The following SLC9A9 variants were observed in gnomAD, a reference collection of about 807,000 sequenced individuals.
The protein encoded by SLC9A9 is sodium/hydrogen exchanger 9.
Under a neutral mutation model 77.8 loss-of-function variants are expected in SLC9A9, and 62 were observed. That is an observed-to-expected ratio of 0.80 (90% confidence interval 0.65 to 0.98). The LOEUF is 0.98. SLC9A9 is among the 50% of genes least tolerant of loss of function. The pLI is 0.00. For synonymous variants in SLC9A9, 320 were observed against 283.5 expected, an observed-to-expected ratio of 1.13 and a Z score of -1.29; for missense variants, 775 against 774.9, an observed-to-expected ratio of 1.00 and a Z score of 0.00.
chr3:143,675,080 G>A (rs766698446), intron 5 of SLC9A9, among the ~76,000 whole-genome samples: 16 of 152,124 alleles, frequency 1.1e-4, no homozygotes, highest in South Asian at 2.1e-4. Flanking sequence ...TGAGTTTTAC[G>A]TTCACTCACA....
intron 2 of SLC9A9, among the ~76,000 whole-genome samples, chr3:143,817,133 ATTT>A (rs530897837): frequency 2.3e-5 from 3 of 131,502 alleles, no homozygotes; most frequent in African/African-American, 8.3e-5. Flanking sequence ...GCAAAAGTTT[ATTT>A]TTTTTTTTAT....
intron 5 of SLC9A9, among the ~76,000 whole-genome samples, chr3:143,685,517 T>C (rs781085125): frequency 1.3e-5 from 2 of 152,160 alleles, no homozygotes; most frequent in African/African-American, 2.4e-5. Flanking sequence ...GAGCTCAAAA[T>C]AGTGCAGCTG....
chr3:143,827,675 C>G (rs1005396266), intron 2 of SLC9A9, among the ~76,000 whole-genome samples: 25 of 152,210 alleles, frequency 1.6e-4, no homozygotes, highest in African/African-American at 5.5e-4. Flanking sequence ...ATAAAATCTT[C>G]TAAGAGGCCA....
At chr3:143,580,783 T>C (rs1025979462) in intron 6 of SLC9A9, among the ~76,000 whole-genome samples, 1 of 152,196 alleles carries the variant, frequency 6.6e-6, no homozygotes, top group African/African-American at 2.4e-5. Flanking sequence ...TCCTGTGATA[T>C]TTGACTTAAC....
At chr3:143,578,798 G>T (rs2037408536) in intron 6 of SLC9A9, 75 bp from the exon 7 acceptor site, 1 of 1,559,360 alleles carries the variant, frequency 6.4e-7, no homozygotes, top group Non-Finnish European at 8.8e-7. Context: ...CACCCACTTT[G>T]GGGAGAGGTA....
chr3:143,771,403 G>A (rs1056472756), intron 4 of SLC9A9, among the ~76,000 whole-genome samples: 1 of 152,132 alleles, frequency 6.6e-6, no homozygotes, highest in South Asian at 2.1e-4. Context: ...GATGTTAACC[G>A]AAGAAGGAAG....
At chr3:143,511,847 C>T (rs2036120477) in intron 9 of SLC9A9, among the ~76,000 whole-genome samples, 1 of 152,138 alleles carries the variant, frequency 6.6e-6, no homozygotes, top group Admixed American at 6.5e-5. Context: ...TGTCTTTCCA[C>T]CATTTGTTCT....
At chr3:143,518,940 C>T (rs1179049402) in intron 9 of SLC9A9, among the ~76,000 whole-genome samples, 1 of 152,216 alleles carries the variant, frequency 6.6e-6, no homozygotes, top group East Asian at 1.9e-4. Context: ...AACAACATTT[C>T]TACCTGTAGT....
chr3:143,434,467 C>T (rs936245731), intron 12 of SLC9A9, among the ~76,000 whole-genome samples: 11 of 152,142 alleles, frequency 7.2e-5, no homozygotes, highest in African/African-American at 2.4e-4. Context: ...TGAAGAAGTC[C>T]TCCTGGAAGA....
chr3:143,381,087 G>A (rs1000681235), intron 13 of SLC9A9, among the ~76,000 whole-genome samples: 1 of 152,182 alleles, frequency 6.6e-6, no homozygotes, highest in Admixed American at 6.5e-5. Flanking sequence ...AAATGGTAGT[G>A]CAAAACTGAC....
chr3:143,360,594 A>G (rs1246538590), intron 14 of SLC9A9, among the ~76,000 whole-genome samples: 1 of 152,192 alleles, frequency 6.6e-6, no homozygotes, highest in Non-Finnish European at 1.5e-5. Context: ...TCCTCATTGA[A>G]TGTTAAGTTT....
At chr3:143,625,721 TA>T (rs1302891315) in intron 6 of SLC9A9, among the ~76,000 whole-genome samples, 1 of 152,144 alleles carries the variant, frequency 6.6e-6, no homozygotes, top group African/African-American at 2.4e-5. Context: ...ACTTCATGTC[TA>T]AAACACTAAA....
At chr3:143,667,499 A>C (rs1265595333) in intron 5 of SLC9A9, among the ~76,000 whole-genome samples, 3 of 152,250 alleles carry the variant, frequency 2.0e-5, no homozygotes, top group African/African-American at 2.4e-5. Context: ...ATTAAACTAA[A>C]GAGCTTTTGC....
intron 5 of SLC9A9, among the ~76,000 whole-genome samples, chr3:143,690,697 T>C (rs1407379014): frequency 1.3e-5 from 2 of 152,156 alleles, no homozygotes; most frequent in African/African-American, 4.8e-5. Context: ...CATGTGTTCA[T>C]AATGATGTTT....
intron 5 of SLC9A9, among the ~76,000 whole-genome samples, chr3:143,653,671 A>G (rs1243835218): frequency 6.6e-6 from 1 of 152,190 alleles, no homozygotes; most frequent in South Asian, 2.1e-4. Context: ...AACTTTGGAA[A>G]TAAAGCTCAG....
intron 6 of SLC9A9, among the ~76,000 whole-genome samples, chr3:143,597,336 T>C (rs150394854): frequency 2.0e-5 from 3 of 152,116 alleles, no homozygotes; most frequent in South Asian, 2.1e-4. Flanking sequence ...CACGCTGGCG[T>C]CCAGAGAAAG....
chr3:143,674,037 A>G (rs945816241), intron 5 of SLC9A9, among the ~76,000 whole-genome samples: 27 of 152,322 alleles, frequency 1.8e-4, no homozygotes, highest in African/African-American at 6.3e-4. Flanking sequence ...TAAAAATCCA[A>G]TAAAGTGCCT....
At chr3:143,743,245 A>ATG (rs1560059080) in intron 4 of SLC9A9, among the ~76,000 whole-genome samples, 708 of 62,526 alleles carry the variant, frequency 0.011, 7 homozygotes, top group African/African-American at 0.029. Flanking sequence ...ATGGATGGAT[A>ATG]GATAGATAGA....
chr3:143,419,492 C>T (rs1576484752), intron 12 of SLC9A9, among the ~76,000 whole-genome samples: 1 of 152,212 alleles, frequency 6.6e-6, no homozygotes, highest in East Asian at 1.9e-4. Flanking sequence ...TATAATAGGC[C>T]CCATCTACCT....
Sources: allele counts gnomAD v4.1 joint callset (sites outside exome capture counted in the v4.1 genomes callset), GRCh38; gene constraint gnomAD v4.1.1; transcripts MANE v1.5; gene names NCBI Gene and HGNC (gene_info 2026-07-23, HGNC 2026-07-21).